Variants in SLC25A16 observed in about 807,000 individuals in gnomAD.
SLC25A16 encodes the protein solute carrier family 25 member 16, also known as mitochondrial coenzyme A transporter SLC25A16.
In SLC25A16, 39 loss-of-function variants were observed where a neutral mutation model predicts 41.5. That is an observed-to-expected ratio of 0.94 (90% CI 0.73 to 1.23). The LOEUF is 1.23. Among genes scored for constraint, SLC25A16 ranks in the 50% most tolerant of loss-of-function variants. SLC25A16 has a pLI of 0.00. For synonymous variants in SLC25A16, 146 were observed against 147.8 expected, an observed-to-expected ratio of 0.99 and a Z score of 0.09; for missense variants, 421 against 426.9, an observed-to-expected ratio of 0.99 and a Z score of 0.12.
intron 1 of SLC25A16, among the ~76,000 whole-genome samples, chr10:68,525,311 G>GT (rs2133610662): frequency 6.6e-6 from 1 of 151,968 alleles, no homozygotes; most frequent in Admixed American, 6.6e-5. Flanking sequence ...AATTTTTGTA[G>GT]TTTTAGTAGA....
chr10:68,517,675 T>A (rs191519156), intron 1 of SLC25A16: 9 of 152,116 alleles, frequency 5.9e-5, no homozygotes, highest in Admixed American at 3.9e-4. Flanking sequence ...CTACAAAAAA[T>A]TTTTTAAAAT....
intron 3 of SLC25A16, among the ~76,000 whole-genome samples, chr10:68,506,010 C>G (rs1362569595): frequency 2.6e-5 from 4 of 151,756 alleles, no homozygotes; most frequent in Non-Finnish European, 4.4e-5. Context: ...CCAGCCTGGG[C>G]AACAGAGTGA....
chr10:68,525,922 A>G (rs1161356360), intron 1 of SLC25A16, among the ~76,000 whole-genome samples: 1 of 151,940 alleles, frequency 6.6e-6, no homozygotes, highest in Non-Finnish European at 1.5e-5. Context: ...AAGAGTCATC[A>G]CCACTCCCTA....
intron 4 of SLC25A16, among the ~76,000 whole-genome samples, chr10:68,498,302 T>C (rs1228942489): frequency 6.6e-6 from 1 of 151,896 alleles, no homozygotes; most frequent in Non-Finnish European, 1.5e-5. Flanking sequence ...AAGGGAGATA[T>C]TTTTTTATTT....
At chr10:68,488,088 G>A (rs1457162353) in intron 7 of SLC25A16, among the ~76,000 whole-genome samples, 1 of 152,042 alleles carries the variant, frequency 6.6e-6, no homozygotes, top group Non-Finnish European at 1.5e-5. Flanking sequence ...TTGACCTTGT[G>A]ATCCACCCGC....
At chr10:68,500,605 G>A (rs1421595634) in intron 4 of SLC25A16, among the ~76,000 whole-genome samples, 1 of 150,882 alleles carries the variant, frequency 6.6e-6, no homozygotes, top group African/African-American at 2.4e-5. Context: ...ACTGTGCCCG[G>A]CCCTGAATTA....
At chr10:68,483,952 C>T (rs1306077546) in intron 8 of SLC25A16, among the ~76,000 whole-genome samples, 1 of 152,174 alleles carries the variant, frequency 6.6e-6, no homozygotes, top group Non-Finnish European at 1.5e-5. Context: ...ACATAAGCCA[C>T]CTCGCTCGGC....
intron 2 of SLC25A16, among the ~76,000 whole-genome samples, chr10:68,510,377 C>T (rs867565512): frequency 1.8e-4 from 21 of 117,958 alleles, no homozygotes; most frequent in African/African-American, 6.3e-4. Context: ...ACTAAAAATA[C>T]AAAAAAAAAA....
Position 68,527,425 on chromosome 10 carries a change from G to C in SLC25A16, c.-50C>G. 7.0e-7 allele frequency: 1 copy of C among 1,421,242 alleles called. No homozygotes were observed. The highest frequency in any genetic ancestry group is 9.1e-7 in the Non-Finnish European group (1 of 1,096,736). 88.0% of individuals were successfully genotyped at this position (1,421,242 alleles called of 1,614,324 possible). A position where few individuals can be genotyped will look rare whatever the true frequency, so the allele number is the denominator to read the frequency against. ...CTAGGTTGCCAACTTACAGAACACC[G>C]GACGGGACCATAGCCGGAACAGGCG... On this transcript the variant is annotated 5_prime_UTR_variant, in exon 1 of 9. Coordinates refer to ENST00000609923, the MANE Select transcript of SLC25A16 (RefSeq NM_152707.4).
Position 68,510,376 on chromosome 10 carries a change from AC to A in SLC25A16, c.224-3659del, listed in dbSNP as rs570856324. On this transcript the variant is annotated intron_variant, in intron 2 of 8. Coordinates refer to ENST00000609923, the MANE Select transcript of SLC25A16 (RefSeq NM_152707.4). ...ATGAAACCCTGTCTCTACTAAAAAT[AC>A]AAAAAAAAAAAAAAATTAGCCAGGT... Among the ~76,000 whole-genome samples the A allele has an allele frequency of 5.0e-3, 737 of 148,286 alleles. 7 individuals are homozygous for A. The highest frequency in any genetic ancestry group is 0.018 in the African/African-American group (686 of 38,712).
chr10:68,522,018 G>A (rs1159796574), intron 1 of SLC25A16, among the ~76,000 whole-genome samples: 1 of 151,886 alleles, frequency 6.6e-6, no homozygotes, highest in African/African-American at 2.4e-5. Flanking sequence ...AAATGAGCTG[G>A]GCGTGATGGC....
At chr10:68,519,235 T>A (rs2053211551) in intron 1 of SLC25A16, among the ~76,000 whole-genome samples, 1 of 151,922 alleles carries the variant, frequency 6.6e-6, no homozygotes, top group African/African-American at 2.4e-5. Flanking sequence ...ATGCCTGTAA[T>A]CCCAGCACTT....
chr10:68,493,253 C>T, intron 5 of SLC25A16, 55 bp from the exon 6 acceptor site: 2 of 1,298,702 alleles, frequency 1.5e-6, no homozygotes. Flanking sequence ...TTATCATAAA[C>T]ATCAAAGAAA....
At chr10:68,500,861 G>A (rs1353753674) in intron 4 of SLC25A16, among the ~76,000 whole-genome samples, 2 of 151,872 alleles carry the variant, frequency 1.3e-5, no homozygotes, top group Non-Finnish European at 2.9e-5. Context: ...AACCCAGGAA[G>A]CGGAGGTTGC....
At chr10:68,501,783 C>T (rs1021064215) in intron 4 of SLC25A16, among the ~76,000 whole-genome samples, 1 of 151,888 alleles carries the variant, frequency 6.6e-6, no homozygotes, top group Non-Finnish European at 1.5e-5. Context: ...AAAAAAGTTA[C>T]GTGAGCGAAT....
Position 68,482,696 on chromosome 10 carries a change from C to G in SLC25A16, c.*736G>C, listed in dbSNP as rs1188020236. The G allele has an allele frequency of 6.6e-6, 1 of 152,040 alleles. No individual in the cohort carries two copies. Among genetic ancestry groups the G allele is most frequent in the Non-Finnish European group, 1.5e-5 (1 of 68,020 alleles). 9.4% of individuals were successfully genotyped at this position (152,040 alleles called of 1,614,324 possible). Reference sequence around the variant, plus strand: ...ATAGTACCTCATAATAACATTTGAGCAAGACTTAGTCGTTCATTCATTTAT... The same window carrying G: ...ATAGTACCTCATAATAACATTTGAGGAAGACTTAGTCGTTCATTCATTTAT... On this transcript the variant is annotated 3_prime_UTR_variant, in exon 9 of 9. Transcript: ENST00000609923.
intron 4 of SLC25A16, among the ~76,000 whole-genome samples, chr10:68,498,584 T>C (rs559933627): frequency 5.6e-4 from 86 of 152,276 alleles, no homozygotes; most frequent in African/African-American, 1.9e-3. Context: ...CAGTCCTGGT[T>C]ACCCAGGAGG....
intron 2 of SLC25A16, among the ~76,000 whole-genome samples, chr10:68,509,754 GAT>G (rs1251426658): frequency 4.4e-5 from 6 of 135,352 alleles, no homozygotes; most frequent in Non-Finnish European, 6.5e-5. Flanking sequence ...TATATATATA[GAT>G]ATATAGATAT....
intron 4 of SLC25A16, among the ~76,000 whole-genome samples, chr10:68,502,792 G>C (rs1370326281): frequency 1.6e-5 from 1 of 62,904 alleles, no homozygotes; most frequent in Non-Finnish European, 3.1e-5. Context: ...GGGGAGGGGA[G>C]GGGTAGGGAG....
Sources: gnomAD v4.1 joint callset for allele counts (sites outside exome capture counted in the v4.1 genomes callset) on GRCh38, gnomAD v4.1.1 for gene constraint, MANE v1.5 for transcripts, NCBI Gene and HGNC (gene_info 2026-07-23, HGNC 2026-07-21) for gene names.